The following PAEP variants were observed in gnomAD, a reference collection of about 807,000 sequenced individuals.
PAEP encodes the protein progestagen associated endometrial protein.
In PAEP, 28 loss-of-function variants were observed where a neutral mutation model predicts 23.0. That is an observed-to-expected ratio of 1.22 (90% CI 0.90 to 1.67). The LOEUF (loss-of-function observed/expected upper bound fraction) is 1.67. Among genes scored for constraint, PAEP ranks in the 40% most tolerant of loss-of-function variants. The probability of loss-of-function intolerance (pLI) is 0.00; values close to 1 mark genes in which losing one functional copy is unlikely to be tolerated. For synonymous variants in PAEP, 103 were observed against 92.4 expected (o/e 1.12, Z -0.66); for missense variants, 209 against 226.4 (o/e 0.92, Z 0.49).
intron 4 of PAEP, 136 bp from the exon 5 acceptor site, chr9:135,565,274 C>A: frequency 1.4e-6 from 1 of 734,360 alleles, no homozygotes; most frequent in South Asian, 1.6e-5. Context: ...TAGGGACCTA[C>A]TCCAGACCAA....
intron 6 of PAEP, chr9:135,566,149 C>G: frequency 3.5e-6 from 1 of 289,544 alleles, no homozygotes; most frequent in Non-Finnish European, 6.4e-6. Flanking sequence ...TGGGGACCTG[C>G]AGGTCTCGGT....
At chr9:135,564,994 C>T (rs2119042959) in intron 4 of PAEP, among the ~76,000 whole-genome samples, 1 of 152,362 alleles carries the variant, frequency 6.6e-6, no homozygotes, top group Non-Finnish European at 1.5e-5. Flanking sequence ...ACCAAAATAG[C>T]CACATAGGCA....
Position 135,561,915 on chromosome 9 carries a change from C to A in PAEP, c.96+18C>A. 1 of 1,194,602 alleles carries A rather than the reference C, an allele frequency of 8.4e-7. No individual in the cohort carries two copies. The highest frequency in any genetic ancestry group is 1.3e-5 in the South Asian group (1 of 77,714). 74.0% of individuals were successfully genotyped at this position (1,194,602 alleles called of 1,614,324 possible). A position where few individuals can be genotyped will look rare whatever the true frequency, so the allele number is the denominator to read the frequency against. On this transcript the variant is annotated intron_variant, in intron 1 of 6. Coordinates refer to ENST00000479141, the MANE Select transcript of PAEP (RefSeq NM_002571.4). ...TCCCAAAGGTTTGAGGCTGGGGGAG[C>A]GGGCACTTTACTGTGGGAGGCCTGG...
intron 2 of PAEP, 81 bp from the exon 3 acceptor site, chr9:135,562,739 C>T (rs1448122823): frequency 5.8e-6 from 7 of 1,198,252 alleles, no homozygotes; most frequent in Admixed American, 1.8e-5. Context: ...GGGAAGTTCC[C>T]GTGGTGACCT....
chr9:135,565,794 G>A lies in PAEP; in HGVS notation c.536G>A (p.Arg179His), dbSNP rs143616209. 5,491 of 1,613,758 alleles carry A rather than the reference G, an allele frequency of 3.4e-3. 13 individuals carry two copies. The highest frequency in any genetic ancestry group is 4.0e-3 in the Non-Finnish European group (4,711 of 1,180,000). ...LDLKQMEEPC[R>H]F ...CCATCTCCTCCCACAGAGCCGTGCCGTTTCTAGGTGAGCTCCTGCCTGGTC... is the reference window on the plus strand; with the variant it reads ...CCATCTCCTCCCACAGAGCCGTGCCATTTCTAGGTGAGCTCCTGCCTGGTC... The change falls in exon 6 of 7, where the codon CGT (arginine) becomes CAT (histidine). Residue 179 changes from arginine (R) to histidine (H), a missense_variant. Transcript: ENST00000479141.
rs912899248 is a variant in PAEP, at chr9:135,562,503, T to G, written c.236+70T>G. 9 of 1,555,220 alleles carry G rather than the reference T, an allele frequency of 5.8e-6. No individual in the cohort carries two copies. In the African/African-American group the frequency reaches 1.2e-4, roughly 21 times the overall value. ...CCCCCCTCAGGGGTCCAGGACTGGG[T>G]GGGTTGGGCGGAGCTGGACTTAGCC... On this transcript the variant is annotated intron_variant, in intron 2 of 6. Coordinates refer to ENST00000479141, the MANE Select transcript of PAEP (RefSeq NM_002571.4).
rs1159799229 is a variant in PAEP, at chr9:135,562,278, C to T, written c.97-16C>T. ...ATGGTGGGGTGGGACCGCCGTGCAG[C>T]CCAAGGCCCCCTCAGTTGGCAGGGA... On this transcript the variant is annotated splice_polypyrimidine_tract_variant and intron_variant, in intron 1 of 6. Transcript: ENST00000479141. 1.2e-6 allele frequency: 2 copies of T among 1,611,972 alleles called. No individual in the cohort carries two copies. The highest frequency in any genetic ancestry group is 2.2e-5 in the South Asian group (2 of 90,716).
At chr9:135,565,650 G>A (rs778548305) in intron 5 of PAEP, 135 bp from the exon 6 acceptor site, 5 of 1,351,972 alleles carry the variant, frequency 3.7e-6, no homozygotes, top group African/African-American at 2.9e-5. Context: ...TGGCCTTCTG[G>A]GGTGCAGAGC....
intron 6 of PAEP, 93 bp downstream of exon 6, chr9:135,565,894 T>C: frequency 7.3e-7 from 1 of 1,371,986 alleles, no homozygotes; most frequent in Non-Finnish European, 1.0e-6. Flanking sequence ...CAGACCCTAC[T>C]GTGTCCAGTT....
At chr9:135,565,712 A>AGCCC in intron 5 of PAEP, 73 bp from the exon 6 acceptor site, 1 of 1,563,304 alleles carries the variant, frequency 6.4e-7, no homozygotes, top group Non-Finnish European at 8.8e-7. Flanking sequence ...TCCCTTCTCT[A>AGCCC]GCCCTGGGGC....
Position 135,562,398 on chromosome 9 carries a change from C to T in PAEP, c.201C>T (p.Thr67=). The change falls in exon 2 of 7, where the codon ACC becomes ACT. Residue 67 remains threonine (T), a synonymous_variant. Coordinates refer to ENST00000479141, the MANE Select transcript of PAEP (RefSeq NM_002571.4). ...TCCACATCACCTCACTGTTGCCCACCCCCGAGGACAACCTGGAGATCGTTC... is the reference window on the plus strand; with the variant it reads ...TCCACATCACCTCACTGTTGCCCACTCCCGAGGACAACCTGGAGATCGTTC... The part of the protein sequence containing the change: ...LRVHITSLLP[T]PEDNLEIVLH... 6.2e-7 allele frequency: 1 copy of T among 1,614,098 alleles called. No individual in the cohort carries two copies. Among genetic ancestry groups the T allele is most frequent in the Non-Finnish European group, 8.5e-7 (1 of 1,179,978 alleles).
chr9:135,564,475 T>G, intron 4 of PAEP, 121 bp downstream of exon 4: 1 of 1,470,330 alleles, frequency 6.8e-7, no homozygotes, highest in Non-Finnish European at 9.0e-7. Context: ...GGCTGACTTT[T>G]TTTTTCTTGG....
chr9:135,564,493 T>A (rs184272004), intron 4 of PAEP, 139 bp downstream of exon 4: 9 of 1,461,384 alleles, frequency 6.2e-6, no homozygotes, highest in East Asian at 5.0e-5. Context: ...TGGTTTTTTT[T>A]ATTTGTTTGT....
intron 4 of PAEP, 116 bp downstream of exon 4, chr9:135,564,470 AC>A: frequency 6.8e-7 from 1 of 1,474,264 alleles, no homozygotes; most frequent in South Asian, 1.4e-5. Context: ...CTGTGGGCTG[AC>A]TTTTTTTTTC....
chr9:135,562,464 C>A (rs367682859), intron 2 of PAEP, 31 bp downstream of exon 2: 2 of 1,604,636 alleles, frequency 1.2e-6, no homozygotes, highest in Non-Finnish European at 1.7e-6. Flanking sequence ...ACGGGCTGGG[C>A]GGGGGCTCAG....
At chr9:135,563,434 G>A (rs1832422572) in intron 3 of PAEP, among the ~76,000 whole-genome samples, 1 of 138,850 alleles carries the variant, frequency 7.2e-6, no homozygotes, top group Non-Finnish European at 1.6e-5. Context: ...GGGCAGGTGA[G>A]TAGGTGAACA....
At chr9:135,563,008 C>T (rs1832383817) in intron 3 of PAEP, 115 bp downstream of exon 3, 1 of 780,126 alleles carries the variant, frequency 1.3e-6, no homozygotes, top group Non-Finnish European at 2.3e-6. Context: ...CCCACTCTCT[C>T]TGCTTCAGGG....
intron 4 of PAEP, 72 bp downstream of exon 4, chr9:135,564,426 G>A (rs1832484030): frequency 6.5e-7 from 1 of 1,528,094 alleles, no homozygotes; most frequent in Non-Finnish European, 8.8e-7. Context: ...GAACCCTGGG[G>A]AGCTGACAAC....
At chr9:135,565,695 C>A in intron 5 of PAEP, 90 bp from the exon 6 acceptor site, 2 of 1,511,416 alleles carry the variant, frequency 1.3e-6, no homozygotes, top group Non-Finnish European at 1.8e-6. Context: ...CTCCCACCAT[C>A]CTTTCATCCC....
Sources: gnomAD v4.1 joint callset for allele counts (sites outside exome capture counted in the v4.1 genomes callset) on GRCh38, gnomAD v4.1.1 for gene constraint, MANE v1.5 for transcripts, NCBI Gene and HGNC (gene_info 2026-07-23, HGNC 2026-07-21) for gene names.